CAPS2: variants seen among roughly 807,000 people sequenced by gnomAD.
CAPS2 encodes calcyphosin-2.
CAPS2 carries 98 observed loss-of-function variants against 86.5 expected under a neutral mutation model. The observed-to-expected ratio is 1.13, with a 90% CI of 0.96 to 1.34. CAPS2 has a LOEUF of 1.34. Among genes scored for constraint, CAPS2 ranks in the 40% most tolerant of loss-of-function variants. The pLI is 0.00. For synonymous variants in CAPS2, 210 were observed against 225.1 expected, an observed-to-expected ratio of 0.93 and a Z score of 0.60; for missense variants, 729 against 686.8, an observed-to-expected ratio of 1.06 and a Z score of -0.69.
intron 7 of CAPS2, among the ~76,000 whole-genome samples, chr12:75,307,672 A>G (rs990597085): frequency 1.3e-5 from 2 of 152,210 alleles, no homozygotes; most frequent in African/African-American, 2.4e-5. Context: ...CCAAAGCTAT[A>G]AAATACATAA....
chr12:75,279,433 G>T (rs941908560), intron 16 of CAPS2, among the ~76,000 whole-genome samples: 6 of 151,912 alleles, frequency 3.9e-5, no homozygotes, highest in African/African-American at 1.5e-4. Flanking sequence ...TAGAAAAAGG[G>T]TCAAAAATTT....
At chr12:75,328,942 A>T (rs2041043553), upstream of CAPS2, among the ~76,000 whole-genome samples, 1 of 152,266 alleles carries the variant, frequency 6.6e-6, no homozygotes, top group Non-Finnish European at 1.5e-5. Context: ...CTATGGAATT[A>T]GAGCAGTCAG....
At chr12:75,390,232 T>C (rs1446181688) in intron 1 of CAPS2, 1 of 423,524 alleles carries the variant, frequency 2.4e-6, no homozygotes, top group Non-Finnish European at 4.7e-6. Flanking sequence ...GAGGAAAATG[T>C]TTGGAGGTAA....
At chr12:75,299,862 G>T in exon 9 of CAPS2, 1 of 1,529,098 alleles carries the variant, frequency 6.5e-7, no homozygotes, top group Non-Finnish European at 8.9e-7. Flanking sequence ...CCATCAAACT[G>T]TAATTTATGA....
chr12:75,292,310 C>T (rs944655241), intron 12 of CAPS2, among the ~76,000 whole-genome samples: 28 of 152,168 alleles, frequency 1.8e-4, no homozygotes, highest in African/African-American at 6.7e-4. Flanking sequence ...TTGTGATCCG[C>T]CCACCTCAGC....
At chr12:75,298,825 T>C (rs2037338959) in intron 10 of CAPS2, 45 bp from the exon 11 acceptor site, 1 of 1,596,502 alleles carries the variant, frequency 6.3e-7, no homozygotes, top group African/African-American at 1.3e-5. Context: ...TTAGCTTCTC[T>C]CGGAAGTGAA....
At chr12:75,276,593 T>C, downstream of CAPS2, 1 of 968,292 alleles carries the variant, frequency 1.0e-6, no homozygotes, top group Non-Finnish European at 1.2e-6. Flanking sequence ...ATGTATGTCC[T>C]TTCCATTAAA....
At chr12:75,349,327 T>C (rs2042655000) in intron 1 of CAPS2, among the ~76,000 whole-genome samples, 1 of 152,116 alleles carries the variant, frequency 6.6e-6, no homozygotes. Flanking sequence ...AAAATGATTA[T>C]AAAAGCACAG....
chr12:75,325,809 G>C lies in CAPS2; in HGVS notation c.82-521C>G, dbSNP rs762379832. On this transcript the variant is annotated intron_variant, in intron 1 of 16. Coordinates refer to ENST00000393284, the Ensembl canonical transcript of CAPS2. ...AAAGGGGTAAAATCCAGAGTGTGAG[G>C]GGGGGTAGGGCCAAGCTGTTACATT... Among the ~76,000 whole-genome samples, 155 of 152,016 alleles carry C rather than the reference G, an allele frequency of 1.0e-3. 1 individual carries two copies. Among genetic ancestry groups the C allele is most frequent in the Non-Finnish European group, 5.6e-4 (38 of 67,976 alleles).
intron 1 of CAPS2, among the ~76,000 whole-genome samples, chr12:75,358,465 T>C (rs1284533733): frequency 6.6e-6 from 1 of 151,420 alleles, no homozygotes; most frequent in East Asian, 1.9e-4. Flanking sequence ...AAGAATTATA[T>C]GATTATCTCA....
At chr12:75,341,815 T>C (rs1202724219) in intron 1 of CAPS2, among the ~76,000 whole-genome samples, 2 of 134,782 alleles carry the variant, frequency 1.5e-5, no homozygotes, top group Non-Finnish European at 3.1e-5. Context: ...AATGGCACGG[T>C]CTTGGCTCAC....
intron 1 of CAPS2, among the ~76,000 whole-genome samples, chr12:75,341,974 C>A (rs1310643179): frequency 2.0e-5 from 3 of 152,038 alleles, no homozygotes; most frequent in African/African-American, 4.8e-5. Flanking sequence ...ATCTCCTGAC[C>A]TCAGGTGATC....
At chr12:75,311,362 C>A (rs1042675369) in intron 7 of CAPS2, among the ~76,000 whole-genome samples, 2 of 151,984 alleles carry the variant, frequency 1.3e-5, no homozygotes, top group African/African-American at 4.8e-5. Context: ...AGAAAGGGAT[C>A]AAAATATCAC....
exon 17 of CAPS2, chr12:75,278,903 G>A: frequency 6.4e-7 from 1 of 1,573,698 alleles, no homozygotes; most frequent in Non-Finnish European, 8.6e-7. Context: ...AATCCCCCAT[G>A]GAGTACGTAA....
intron 1 of CAPS2, among the ~76,000 whole-genome samples, chr12:75,380,731 C>A: frequency 6.6e-6 from 1 of 152,192 alleles, no homozygotes; most frequent in South Asian, 2.1e-4. Flanking sequence ...CATCTAATAA[C>A]TTATATAATT....
chr12:75,363,512 T>C (rs1280316340), intron 1 of CAPS2, among the ~76,000 whole-genome samples: 1 of 152,168 alleles, frequency 6.6e-6, no homozygotes. Context: ...TGTTATTAGT[T>C]ATTAGAATAG....
chr12:75,370,070 T>C (rs1471338396), intron 1 of CAPS2: 4 of 1,546,998 alleles, frequency 2.6e-6, no homozygotes, highest in Non-Finnish European at 3.6e-6. Flanking sequence ...CTGGTTTTGT[T>C]TTTGTTTTTG....
intron 7 of CAPS2, chr12:75,306,121 G>A: frequency 1.6e-6 from 2 of 1,223,294 alleles, no homozygotes; most frequent in Non-Finnish European, 2.4e-6. Flanking sequence ...TTCCACATTC[G>A]GGAACGTGCG....
intron 14 of CAPS2, among the ~76,000 whole-genome samples, 174 bp downstream of exon 14, chr12:75,289,447 G>T (rs1673544704): frequency 1.3e-5 from 2 of 152,150 alleles, no homozygotes; most frequent in Admixed American, 6.6e-5. Context: ...AATATAGGAT[G>T]GAGCAATGTT....
Sources: gnomAD v4.1 joint callset for allele counts (sites outside exome capture counted in the v4.1 genomes callset) on GRCh38, gnomAD v4.1.1 for gene constraint, MANE v1.5 for transcripts, NCBI Gene and HGNC (gene_info 2026-07-23, HGNC 2026-07-21) for gene names.